The following SYNE1 variants were observed in gnomAD, a reference collection of about 807,000 sequenced individuals.
SYNE1 encodes the protein spectrin repeat containing nuclear envelope protein 1, also known as nesprin-1.
A neutral mutation model predicts 1,111.0 loss-of-function variants in SYNE1; 616 were observed. The ratio of observed to expected loss-of-function variants is 0.55; its 90% CI spans 0.52 to 0.59. The LOEUF (loss-of-function observed/expected upper bound fraction) is 0.59, where lower values mean the gene tolerates loss of function less well. SYNE1 is among the 20% of genes least tolerant of loss of function. SYNE1 has a pLI of 0.00. For synonymous variants in SYNE1, 3,855 were observed against 3,825.8 expected (o/e 1.01, Z -0.28); for missense variants, 10,006 against 10,417.0 (o/e 0.96, Z 1.72).
At chr6:152,443,063 T>C (rs2098547095) in intron 30 of SYNE1, among the ~76,000 whole-genome samples, 1 of 152,194 alleles carries the variant, frequency 6.6e-6, no homozygotes, top group South Asian at 2.1e-4. Flanking sequence ...AATCTTCAAA[T>C]AGAATAGTAC....
At chr6:152,341,123 C>T (rs914933030) in intron 74 of SYNE1, among the ~76,000 whole-genome samples, 1 of 152,140 alleles carries the variant, frequency 6.6e-6, no homozygotes, top group Non-Finnish European at 1.5e-5. Context: ...ATAATAAACA[C>T]AGATCAATTT....
At chr6:152,504,481 G>T (rs2099046997) in intron 9 of SYNE1, among the ~76,000 whole-genome samples, 1 of 152,122 alleles carries the variant, frequency 6.6e-6, no homozygotes, top group Non-Finnish European at 1.5e-5. Context: ...GGCCAGGAAG[G>T]GTAGGGAGGA....
At position 152,442,170 on chromosome 6, in the gene SYNE1, C is replaced by G; in HGVS notation, c.3913G>C (p.Gly1305Arg). The G allele has an allele frequency of 4.3e-6, 7 of 1,613,822 alleles. No individual in the cohort carries two copies. Among genetic ancestry groups the G allele is most frequent in the Non-Finnish European group, 5.9e-6 (7 of 1,180,044 alleles). ...TCCTCGTGGCCTCGGTCAGGCAGCC[C>G]CCCTTCTCCCTGCTGCGCCTGCGCG... ...QIAQAQQGEG[G>R]LPDRGHEELR... Residue 1305 changes from glycine (G) to arginine (R), a missense_variant, in exon 31 of 146, where the codon GGG becomes CGG. Around this residue, in one of 7 missense-constraint regions of SYNE1, gnomAD observed 1,971 missense variants for 2,084.1 expected, o/e 0.95. Coordinates refer to ENST00000367255, the MANE Select transcript of SYNE1 (RefSeq NM_182961.4).
At position 152,409,320 on chromosome 6, in the gene SYNE1, C is replaced by A. The variant is rs547387624; in HGVS notation, c.6382-94G>T. The A allele has an allele frequency of 1.8e-5, 23 of 1,313,452 alleles. No individual in the cohort carries two copies. In the South Asian group the frequency reaches 2.5e-4, roughly 14 times the overall value. 81.4% of individuals were successfully genotyped at this position (1,313,452 alleles called of 1,614,324 possible). On this transcript the variant is annotated intron_variant, in intron 43 of 145. Transcript: ENST00000367255. ...TCTAAGAAATTTAATTCATAATTGA[C>A]CTTATGCAGAAATTAGTGATAGTGA...
At chr6:152,519,645 A>C (rs559519801) in intron 6 of SYNE1, among the ~76,000 whole-genome samples, 1 of 152,334 alleles carries the variant, frequency 6.6e-6, no homozygotes, top group African/African-American at 2.4e-5. Context: ...ACAGAAAATC[A>C]TTAGGCAAGT....
At chr6:152,240,345 G>T (rs996808343) in intron 107 of SYNE1, among the ~76,000 whole-genome samples, 2 of 152,072 alleles carry the variant, frequency 1.3e-5, no homozygotes, top group Admixed American at 6.5e-5. Context: ...TTCCTCCATG[G>T]CTGGGCTTGG....
Position 152,321,746 on chromosome 6 carries a change from A to G in SYNE1, c.16058T>C (p.Ile5353Thr), listed in dbSNP as rs1213408083. Residue 5353 changes from isoleucine to threonine, a missense_variant, in exon 83 of 146, where the codon ATA becomes ACA. Ile to Thr is a moderately conservative substitution (Grantham distance 89). Transcript: ENST00000367255. ...CTGAAGTTCTTCAAGTTGAGCATCT[A>G]TTTCTATTGTTGGATTCCCTAAATA... ...KEYLGNPTIE[I>T]DAQLEELQIL... 1.9e-6 allele frequency: 3 copies of G among 1,614,014 alleles called. No homozygotes were observed. In the South Asian group the frequency reaches 3.3e-5, roughly 18 times the overall value.
intron 128 of SYNE1, among the ~76,000 whole-genome samples, chr6:152,185,752 C>A (rs1401557715): frequency 1.3e-5 from 2 of 152,212 alleles, no homozygotes; most frequent in Non-Finnish European, 2.9e-5. Flanking sequence ...TGATCAACAT[C>A]AGCTTTTGAA....
chr6:152,491,189 A>AT (rs1409466217), intron 11 of SYNE1, among the ~76,000 whole-genome samples: 9 of 147,412 alleles, frequency 6.1e-5, no homozygotes, highest in African/African-American at 2.3e-4. Context: ...TGCCTGCCTG[A>AT]TTATTCACCC....
chr6:152,168,768 C>G (rs1170173816), intron 130 of SYNE1, among the ~76,000 whole-genome samples: 3 of 152,096 alleles, frequency 2.0e-5, no homozygotes, highest in Non-Finnish European at 1.5e-5. Context: ...TGCTCTTTAT[C>G]TTTGAGTAGA....
chr6:152,189,245 A>G lies in SYNE1; in HGVS notation c.23301+7T>C. 1 of 1,613,500 alleles carries G rather than the reference A, an allele frequency of 6.2e-7. No individual in the cohort carries two copies. The highest frequency in any genetic ancestry group is 2.2e-5 in the East Asian group (1 of 44,844). ...CAAGATAATTCCATTTTTAGAACTT[A>G]TCTTACCTGGTGGCATAGTTCTTCC... On this transcript the variant is annotated splice_region_variant and intron_variant, in intron 128 of 145. Coordinates refer to ENST00000367255, the MANE Select transcript of SYNE1 (RefSeq NM_182961.4).
At chr6:152,144,719 G>GTTA (rs1323133954) in intron 137 of SYNE1, 2 of 152,282 alleles carry the variant, frequency 1.3e-5, no homozygotes, top group African/African-American at 4.8e-5. Context: ...AAAAACTGAA[G>GTTA]CGTAAACTAG....
chr6:152,469,238 G>C (rs1447538022), intron 16 of SYNE1, among the ~76,000 whole-genome samples: 1 of 152,160 alleles, frequency 6.6e-6, no homozygotes, highest in Non-Finnish European at 1.5e-5. Context: ...AAGGATAAGA[G>C]AGGCTCTATG....
chr6:152,565,719 G>GA (rs1046064056), intron 3 of SYNE1, among the ~76,000 whole-genome samples: 2 of 150,178 alleles, frequency 1.3e-5, no homozygotes, highest in Non-Finnish European at 3.0e-5. Context: ...CTAAAAAACT[G>GA]AAAAAATAAG....
At chr6:152,317,646 C>T (rs1283461032) in intron 86 of SYNE1, among the ~76,000 whole-genome samples, 18 of 152,150 alleles carry the variant, frequency 1.2e-4, no homozygotes, top group Admixed American at 1.2e-3. Flanking sequence ...TTATATTAAT[C>T]GATTTCAAAA....
At chr6:152,480,877 C>T (rs2098889914) in intron 14 of SYNE1, 2 of 443,258 alleles carry the variant, frequency 4.5e-6, no homozygotes, top group East Asian at 1.4e-4. Context: ...TGATCCACTT[C>T]ATTTCTGGTT....
intron 3 of SYNE1, among the ~76,000 whole-genome samples, chr6:152,552,879 G>A (rs1457126577): frequency 6.6e-6 from 1 of 152,144 alleles, no homozygotes; most frequent in Non-Finnish European, 1.5e-5. Context: ...TGTGGCCACC[G>A]CGGCAGCTGC....
intron 62 of SYNE1, among the ~76,000 whole-genome samples, chr6:152,365,764 G>A (rs917320144): frequency 1.9e-4 from 29 of 151,972 alleles, no homozygotes; most frequent in African/African-American, 6.3e-4. Flanking sequence ...CCGGCCAGAA[G>A]GAAGTTTTAA....
intron 93 of SYNE1, among the ~76,000 whole-genome samples, chr6:152,300,190 TAAA>T (rs2095096132): frequency 6.6e-6 from 1 of 152,150 alleles, no homozygotes; most frequent in Admixed American, 6.5e-5. Context: ...AAGTTGCAAA[TAAA>T]GAAGAAGTCT....
Sources: gnomAD v4.1 joint callset for allele counts (sites outside exome capture counted in the v4.1 genomes callset) on GRCh38, gnomAD v4.1.1 for gene constraint, gnomAD v4.1.1 regional missense constraint, MANE v1.5 for transcripts, NCBI Gene and HGNC (gene_info 2026-07-23, HGNC 2026-07-21) for gene names.